Variants in ELOA observed in about 807,000 individuals in gnomAD.
ELOA encodes the protein elongin-A.
ELOA carries 15 observed loss-of-function variants against 85.2 expected under a neutral mutation model. The observed-to-expected ratio is 0.18, with a 90% CI of 0.12 to 0.27. The LOEUF (loss-of-function observed/expected upper bound fraction) is 0.27. Ranked by LOEUF, ELOA falls within the 10% of genes least tolerant of loss-of-function variation. The pLI is 1.00. For synonymous variants in ELOA, 348 were observed against 357.2 expected (o/e 0.97, Z 0.29); for missense variants, 769 against 952.7 (o/e 0.81, Z 2.54).
chr1:23,751,671 G>C lies in ELOA; in HGVS notation c.1066G>C (p.Asp356His). 2.5e-6 allele frequency: 4 copies of C among 1,614,174 alleles called. No homozygotes were observed. The highest frequency in any genetic ancestry group is 2.5e-6 in the Non-Finnish European group (3 of 1,180,042). The change falls in exon 4 of 11, where the codon GAC (aspartate) becomes CAC (histidine). Residue 356 changes from aspartate (D) to histidine (H), a missense_variant. Asp to His is a moderately conservative substitution (Grantham distance 81). Transcript: ENST00000613537. ...CTTTGACACAGGAAAAGGAGCAGGA[G>C]ACCTGTTGCCCAAGGTAAAAGAGAA... ...DSFDTGKGAGDLLPKVKEKGS... is the reference protein window; with the variant it reads ...DSFDTGKGAGHLLPKVKEKGS...
At chr1:23,755,530 C>T (rs1172629714) in intron 7 of ELOA, among the ~76,000 whole-genome samples, 3 of 151,970 alleles carry the variant, frequency 2.0e-5, no homozygotes, top group African/African-American at 7.3e-5. Flanking sequence ...GCCTGTAATC[C>T]CAGCACTCTG....
At chr1:23,743,843 C>A (rs776216476) in intron 1 of ELOA, among the ~76,000 whole-genome samples, 2 of 152,170 alleles carry the variant, frequency 1.3e-5, no homozygotes, top group Non-Finnish European at 2.9e-5. Flanking sequence ...GCGTGCCTAG[C>A]GCTTCCTCCC....
At chr1:23,745,817 A>G (rs1339342224) in intron 1 of ELOA, among the ~76,000 whole-genome samples, 1 of 152,226 alleles carries the variant, frequency 6.6e-6, no homozygotes, top group African/African-American at 2.4e-5. Context: ...TCAAACCATT[A>G]TTAGCCAAGG....
chr1:23,749,921 A>G lies in ELOA; in HGVS notation c.212A>G (p.Gln71Arg). Residue 71 changes from glutamine to arginine, a missense_variant, in exon 3 of 11, where the codon CAG becomes CGG. By Grantham distance (43) the Gln-to-Arg change is conservative. Transcript: ENST00000613537. ...VGSFARDLVA[Q>R]WKKLVPVERN... Reference sequence around the variant, plus strand: ...AGCTTTGCCAGGGACCTAGTGGCCCAGTGGAAGAAGCTGGTTCCTGTGGAA... The same window carrying G: ...AGCTTTGCCAGGGACCTAGTGGCCCGGTGGAAGAAGCTGGTTCCTGTGGAA... The G allele has an allele frequency of 6.2e-7, 1 of 1,613,864 alleles. No homozygotes were observed. The highest frequency in any genetic ancestry group is 8.5e-7 in the Non-Finnish European group (1 of 1,179,808).
Position 23,754,233 on chromosome 1 carries a change from A to G in ELOA, c.1671A>G (p.Arg557=). The change falls in exon 6 of 11, where the codon CGA becomes CGG. Residue 557 remains arginine, a synonymous_variant. Transcript: ENST00000613537. The part of the protein sequence containing the change: ...KMMTLHQQCI[R]VLKNNIDSIF... ...TGACCTTGCACCAGCAATGCATCCG[A>G]GTACTTAAAAACAACATCGATTGTA... 6.2e-7 allele frequency: 1 copy of G among 1,614,200 alleles called. No homozygotes were observed.
In ELOA at chr1:23,751,505, A is replaced by G; in HGVS notation, c.900A>G (p.Lys300=). ...REKPPSSGVK[K]EKDREGSSLK... The stretch of plus-strand genomic sequence containing the variant: ...AACCGCCCTCTAGTGGCGTAAAGAA[A>G]GAGAAGGACAGAGAGGGCAGCAGCC... The change falls in exon 4 of 11, where the codon AAA becomes AAG. Residue 300 remains lysine (K), a synonymous_variant. Coordinates refer to ENST00000613537, the MANE Select transcript of ELOA (RefSeq NM_003198.3). The G allele has an allele frequency of 1.2e-6, 2 of 1,614,118 alleles. No homozygotes were observed. Among genetic ancestry groups the G allele is most frequent in the Non-Finnish European group, 1.7e-6 (2 of 1,180,036 alleles).
At chr1:23,750,716 AT>A in intron 3 of ELOA, 128 bp from the exon 4 acceptor site, 2 of 895,540 alleles carry the variant, frequency 2.2e-6, no homozygotes, top group Non-Finnish European at 3.2e-6. Flanking sequence ...TAACCTACTT[AT>A]CTTCTTCTTA....
intron 1 of ELOA, among the ~76,000 whole-genome samples, chr1:23,746,433 C>A (rs957521616): frequency 6.6e-6 from 1 of 151,520 alleles, no homozygotes; most frequent in Non-Finnish European, 1.5e-5. Flanking sequence ...CATGATGAAA[C>A]CCCATCTCTA....
Position 23,752,511 on chromosome 1 carries a change from G to A in ELOA, c.1530G>A (p.Lys510=). The change falls in exon 5 of 11, where the codon AAG becomes AAA. Residue 510 remains lysine (K), a synonymous_variant. Coordinates refer to ENST00000613537, the MANE Select transcript of ELOA (RefSeq NM_003198.3). ...SLELISSFQP[K]RKAFSSPQEE... ...AGCTGATATCCTCCTTCCAGCCAAA[G>A]CGAAAAGGTAATTTTCTATATCTTC... is the stretch of plus-strand genomic sequence containing the variant. The A allele has an allele frequency of 6.2e-7, 1 of 1,613,634 alleles. No individual in the cohort carries two copies. The highest frequency in any genetic ancestry group is 2.2e-5 in the East Asian group (1 of 44,872).
At position 23,752,509 on chromosome 1, in the gene ELOA, A is replaced by C; in HGVS notation, c.1528A>C (p.Lys510Gln). ...SLELISSFQP[K>Q]RKAFSSPQEE... is the part of the protein sequence containing the mutation. ...CGAGCTGATATCCTCCTTCCAGCCA[A>C]AGCGAAAAGGTAATTTTCTATATCT... The change falls in exon 5 of 11, where the codon AAG (lysine) becomes CAG (glutamine). Residue 510 changes from lysine to glutamine, a missense_variant. By Grantham distance (53) the Lys-to-Gln change is moderately conservative. Around this residue, in one of 4 missense-constraint regions of ELOA, gnomAD observed 193 missense variants for 278.9 expected, o/e 0.69. Coordinates refer to ENST00000613537, the MANE Select transcript of ELOA (RefSeq NM_003198.3). 6.2e-7 allele frequency: 1 copy of C among 1,613,806 alleles called. No homozygotes were observed. Among genetic ancestry groups the C allele is most frequent in the African/African-American group, 1.3e-5 (1 of 75,048 alleles).
At position 23,749,028 on chromosome 1, in the gene ELOA, A is replaced by G. The variant is rs1188803494; in HGVS notation, c.83A>G (p.Lys28Arg). 1 of 1,613,068 alleles carries G rather than the reference A, an allele frequency of 6.2e-7. No homozygotes were observed. ...AANPDPKKLL[K>R]YLKKLSTLPI... ...ATGTTTTCTTCTCTGCAGCTATTGAAATATTTGAAGAAACTCTCCACCCTG... is the reference window on the plus strand; with the variant it reads ...ATGTTTTCTTCTCTGCAGCTATTGAGATATTTGAAGAAACTCTCCACCCTG... Residue 28 changes from lysine to arginine, a missense_variant, in exon 2 of 11, where the codon AAA becomes AGA. Lys to Arg is a conservative substitution (Grantham distance 26, BLOSUM62 2). Coordinates refer to ENST00000613537, the MANE Select transcript of ELOA (RefSeq NM_003198.3).
intron 1 of ELOA, among the ~76,000 whole-genome samples, chr1:23,746,639 C>T (rs1420060415): frequency 3.4e-5 from 5 of 148,270 alleles, no homozygotes; most frequent in South Asian, 2.1e-4. Context: ...AAAGGATCCT[C>T]GTCCTGTGTT....
intron 10 of ELOA, among the ~76,000 whole-genome samples, chr1:23,757,745 C>T (rs138448626): frequency 0.041 from 6,204 of 151,798 alleles, 170 homozygotes; most frequent in Middle Eastern, 0.075. Context: ...GCGATCTGCC[C>T]GCCTTGGCCT....
At chr1:23,743,877 G>C (rs115877760) in intron 1 of ELOA, among the ~76,000 whole-genome samples, 2 of 152,196 alleles carry the variant, frequency 1.3e-5, no homozygotes, top group African/African-American at 4.8e-5. Context: ...GGCGTCCCGA[G>C]CCAGCTGTTT....
chr1:23,752,242 C>A (rs557792455), intron 4 of ELOA, among the ~76,000 whole-genome samples, 165 bp from the exon 5 acceptor site: 1 of 152,148 alleles, frequency 6.6e-6, no homozygotes, highest in Non-Finnish European at 1.5e-5. Context: ...ATGGGCTCAT[C>A]TGTATTTATT....
chr1:23,761,643 G>A lies in ELOA; in HGVS notation c.*2070G>A, dbSNP rs953017824. ...GATGTGACTTGGTGCGAAGAGTCAG[G>A]GGAAAGAGGAAAAACCCAATTTCTA... is the stretch of plus-strand genomic sequence containing the variant. On this transcript the variant is annotated 3_prime_UTR_variant, in exon 11 of 11. Transcript: ENST00000613537. 5 of 152,096 alleles carry A rather than the reference G, an allele frequency of 3.3e-5. No homozygotes were observed. Among genetic ancestry groups the A allele is most frequent in the African/African-American group, 9.7e-5 (4 of 41,410 alleles). The allele number at this position is 152,096 out of a possible 1,614,324, so 9.4% of individuals were successfully genotyped here. A position where few individuals can be genotyped will look rare whatever the true frequency, so the allele number is the denominator to read the frequency against.
chr1:23,748,034 A>G (rs1315515394), intron 1 of ELOA, among the ~76,000 whole-genome samples: 1 of 152,226 alleles, frequency 6.6e-6, no homozygotes, highest in East Asian at 1.9e-4. Context: ...TCCTAGAGAA[A>G]GGTTTGGCCA....
Position 23,751,553 on chromosome 1 carries a change from C to T in ELOA, c.948C>T (p.Pro316=), listed in dbSNP as rs748340112. Residue 316 remains proline (P), a synonymous_variant, in exon 4 of 11, where the codon CCC becomes CCT. Coordinates refer to ENST00000613537, the MANE Select transcript of ELOA (RefSeq NM_003198.3). ...GCCTGAAGAAGAAGTGTTTGCCTCC[C>T]TCAGAGGCCGCTTCAGACAACCACC... ...GSSLKKKCLP[P]SEAASDNHLK... The T allele has an allele frequency of 5.0e-6, 8 of 1,614,156 alleles. No individual in the cohort carries two copies. Among genetic ancestry groups the T allele is most frequent in the Non-Finnish European group, 3.4e-6 (4 of 1,180,050 alleles).
rs1195721195 is a variant in ELOA, at chr1:23,759,760, C to T, written c.*187C>T. 1 of 609,546 alleles carries T rather than the reference C, an allele frequency of 1.6e-6. No individual in the cohort carries two copies. Among genetic ancestry groups the T allele is most frequent in the East Asian group, 2.8e-5 (1 of 35,748 alleles). 37.8% of individuals were successfully genotyped at this position (609,546 alleles called of 1,614,324 possible). On this transcript the variant is annotated 3_prime_UTR_variant, in exon 11 of 11. Coordinates refer to ENST00000613537, the MANE Select transcript of ELOA (RefSeq NM_003198.3). ...CACAGCCCCGCCTCCCTGCCTGGAGCACACTTTAGAATTCTGAAGATGTGA... is the reference window on the plus strand; with the variant it reads ...CACAGCCCCGCCTCCCTGCCTGGAGTACACTTTAGAATTCTGAAGATGTGA...
Sources: gnomAD v4.1 joint callset for allele counts (sites outside exome capture counted in the v4.1 genomes callset) on GRCh38, gnomAD v4.1.1 for gene constraint, gnomAD v4.1.1 regional missense constraint, MANE v1.5 for transcripts, NCBI Gene and HGNC (gene_info 2026-07-23, HGNC 2026-07-21) for gene names.